Variants in INPP4A observed in about 807,000 individuals in gnomAD.
INPP4A encodes inositol polyphosphate-4-phosphatase type I A, also known as inositol polyphosphate-4-phosphatase, type I, 107kD.
In INPP4A, 33 loss-of-function variants were observed where a neutral mutation model predicts 119.8. That is an observed-to-expected ratio of 0.28 (90% CI 0.21 to 0.37). The LOEUF (loss-of-function observed/expected upper bound fraction) is 0.37. INPP4A is among the 10% of genes least tolerant of loss of function. The pLI is 1.00. For synonymous variants in INPP4A, 496 were observed against 500.7 expected (o/e 0.99, Z 0.12); for missense variants, 956 against 1,289.9 (o/e 0.74, Z 3.97).
At chr2:98,480,082 C>T (rs1421312715) in intron 1 of INPP4A, among the ~76,000 whole-genome samples, 5 of 152,254 alleles carry the variant, frequency 3.3e-5, no homozygotes, top group Non-Finnish European at 7.3e-5. Context: ...CCAGCACCTC[C>T]TCTGCTGCCC....
chr2:98,498,362 G>A (rs1011651733), intron 1 of INPP4A, among the ~76,000 whole-genome samples: 1 of 152,052 alleles, frequency 6.6e-6, no homozygotes, highest in African/African-American at 2.4e-5. Context: ...TTTCTGCGAT[G>A]TAAGATGTGC....
At chr2:98,539,130 A>G (rs1690898494) in intron 9 of INPP4A, 149 bp downstream of exon 9, 3 of 560,222 alleles carry the variant, frequency 5.4e-6, no homozygotes, top group Non-Finnish European at 9.7e-6. Flanking sequence ...TTCTTTTTGC[A>G]GCATATAAAG....
At chr2:98,529,621 AG>A (rs1205121415) in intron 4 of INPP4A, among the ~76,000 whole-genome samples, 2 of 152,116 alleles carry the variant, frequency 1.3e-5, no homozygotes, top group Admixed American at 1.3e-4. Context: ...CTGTAGTCCC[AG>A]CTACTCGGGA....
rs891851145 is a variant in INPP4A at position 98,591,576 on chromosome 2, T to A, written c.*3968T>A. On this transcript the variant is annotated 3_prime_UTR_variant, in exon 25 of 25. Coordinates refer to ENST00000409851, the MANE Select transcript of INPP4A (RefSeq NM_001134225.2). ...ACATCAGCTACCGTGAGCTTCTTCC[T>A]GCCCTCCCTCCGCATGCCATTCTGG... 6.6e-6 allele frequency: 1 copy of A among 152,192 alleles called. No individual in the cohort carries two copies. Among genetic ancestry groups the A allele is most frequent in the African/African-American group, 2.4e-5 (1 of 41,432 alleles). The allele number at this position is 152,192 out of a possible 1,614,324, so 9.4% of individuals were successfully genotyped here.
intron 10 of INPP4A, among the ~76,000 whole-genome samples, chr2:98,543,552 C>T (rs1054147839): frequency 1.2e-4 from 19 of 152,170 alleles, no homozygotes; most frequent in African/African-American, 4.1e-4. Context: ...AGGGCACCTG[C>T]AGGTCGTCAG....
intron 10 of INPP4A, among the ~76,000 whole-genome samples, chr2:98,542,867 G>A (rs1691736828): frequency 6.6e-6 from 1 of 151,264 alleles, no homozygotes; most frequent in African/African-American, 2.4e-5. Context: ...TAAAGACAAG[G>A]TCAGGCCTGA....
At chr2:98,549,287 T>C (rs1340087623) in intron 13 of INPP4A, among the ~76,000 whole-genome samples, 3 of 152,146 alleles carry the variant, frequency 2.0e-5, no homozygotes, top group Non-Finnish European at 2.9e-5. Flanking sequence ...TGGGTTCTCA[T>C]GTCAGCCCCT....
intron 4 of INPP4A, among the ~76,000 whole-genome samples, chr2:98,526,349 CT>C (rs1477267716): frequency 6.6e-6 from 1 of 152,006 alleles, no homozygotes; most frequent in African/African-American, 2.4e-5. Flanking sequence ...AAAACCTAAG[CT>C]TTTTGTATTT....
chr2:98,546,050 G>C lies in INPP4A; in HGVS notation c.1031G>C (p.Arg344Thr). Residue 344 changes from arginine (R) to threonine (T), a missense_variant, in exon 12 of 25, where the codon AGA becomes ACA. This residue lies in a region of INPP4A where 652 missense variants were observed against 797.9 expected (regional missense o/e 0.82). Transcript: ENST00000409851. This position sits in a 1 kb window ranked among gnomAD's most constrained non-coding sequence, Gnocchi z 4.2. ...VPTNLHIQRM[R>T]VQDDGGSDQN... ...ACAAACTTGCACATACAAAGGATGA[G>C]AGTTCAAGACGATGGAGGATCAGGT... The C allele has an allele frequency of 6.3e-7, 1 of 1,585,374 alleles. No homozygotes were observed. The highest frequency in any genetic ancestry group is 8.6e-7 in the Non-Finnish European group (1 of 1,164,854).
At chr2:98,454,282 T>A (rs1030600582) in intron 1 of INPP4A, among the ~76,000 whole-genome samples, 1 of 152,204 alleles carries the variant, frequency 6.6e-6, no homozygotes, top group Admixed American at 6.5e-5. Flanking sequence ...TCAGGACAGT[T>A]CCCAAGGCTG....
intron 4 of INPP4A, among the ~76,000 whole-genome samples, chr2:98,525,189 A>G (rs1484519805): frequency 1.3e-5 from 2 of 152,192 alleles, no homozygotes; most frequent in Admixed American, 1.3e-4. Flanking sequence ...TTCCCAGCTC[A>G]TAGAGGCCAC....
chr2:98,502,985 G>C (rs1372365182), intron 1 of INPP4A, among the ~76,000 whole-genome samples: 3 of 152,146 alleles, frequency 2.0e-5, no homozygotes, highest in African/African-American at 7.2e-5. Flanking sequence ...AGGTTTAGTT[G>C]TGCTGATGAC....
At chr2:98,491,255 C>G (rs1680691792) in intron 1 of INPP4A, among the ~76,000 whole-genome samples, 1 of 152,222 alleles carries the variant, frequency 6.6e-6, no homozygotes, top group African/African-American at 2.4e-5. Context: ...CTATTTTCAG[C>G]AACCACTTCC....
intron 6 of INPP4A, 68 bp from the exon 7 acceptor site, chr2:98,536,061 G>C (rs1574966613): frequency 1.0e-6 from 1 of 986,484 alleles, no homozygotes; most frequent in East Asian, 2.5e-5. Flanking sequence ...GACTCTCTGG[G>C]GCCATGGTAA....
intron 1 of INPP4A, among the ~76,000 whole-genome samples, chr2:98,514,673 T>G (rs887693209): frequency 6.6e-6 from 1 of 152,094 alleles, no homozygotes; most frequent in African/African-American, 2.4e-5. Flanking sequence ...CCCACCACTT[T>G]GGGAGGTCAA....
chr2:98,465,404 T>C (rs911760364), intron 1 of INPP4A, among the ~76,000 whole-genome samples: 2 of 152,218 alleles, frequency 1.3e-5, no homozygotes, highest in Non-Finnish European at 2.9e-5. Flanking sequence ...TGTGATGGCA[T>C]TTGGGGCCTA....
intron 1 of INPP4A, among the ~76,000 whole-genome samples, chr2:98,471,320 G>A (rs530427244): frequency 1.3e-5 from 2 of 152,166 alleles, no homozygotes; most frequent in Non-Finnish European, 2.9e-5. Context: ...ACCCTGTTGG[G>A]TTAAAAAATT....
rs1317462362 is a variant in INPP4A, at chr2:98,539,634, C to T, written c.777C>T (p.Pro259=). 1 of 1,610,588 alleles carries T rather than the reference C, an allele frequency of 6.2e-7. No homozygotes were observed. The part of the protein sequence containing the change: ...MAESVLSLHV[P]RQFVKLLLEE... ...AGAGCGTGCTCTCCCTGCACGTGCCCCGGCAGTTCGTGAAGCTCCTACTAG... is the reference window on the plus strand; with the variant it reads ...AGAGCGTGCTCTCCCTGCACGTGCCTCGGCAGTTCGTGAAGCTCCTACTAG... The change falls in exon 10 of 25, where the codon CCC becomes CCT. Residue 259 remains proline (P), a synonymous_variant. Coordinates refer to ENST00000409851, the MANE Select transcript of INPP4A (RefSeq NM_001134225.2).
At chr2:98,574,076 G>A (rs930701751) in intron 23 of INPP4A, among the ~76,000 whole-genome samples, 6 of 152,108 alleles carry the variant, frequency 3.9e-5, no homozygotes, top group African/African-American at 1.4e-4. Flanking sequence ...CAGGAAGTTC[G>A]GCAGGTTTCT....
Sources: allele counts gnomAD v4.1 joint callset (sites outside exome capture counted in the v4.1 genomes callset), GRCh38; gene constraint gnomAD v4.1.1; regional missense constraint gnomAD v4.1.1; non-coding constraint Gnocchi (gnomAD v3.1); transcripts MANE v1.5; gene names NCBI Gene and HGNC (gene_info 2026-07-23, HGNC 2026-07-21).